RALYL: variants seen among roughly 807,000 people sequenced by gnomAD.
RALYL encodes the protein RNA-binding Raly-like protein.
A neutral mutation model predicts 35.1 loss-of-function variants in RALYL; 29 were observed. The ratio of observed to expected loss-of-function variants is 0.83; its 90% confidence interval spans 0.61 to 1.13. The LOEUF is 1.13. RALYL is among the 50% of genes most tolerant of loss of function. The pLI is 0.00. For synonymous variants in RALYL, 120 were observed against 127.6 expected (o/e 0.94, Z 0.40); for missense variants, 359 against 360.4 (o/e 1.00, Z 0.03).
At position 84,693,031 on chromosome 8, in the gene RALYL, G is replaced by T. The variant is rs118164033; in HGVS notation, c.257-81548G>T. On this transcript the variant is annotated intron_variant, in intron 2 of 8. Coordinates refer to ENST00000521268, the MANE Select transcript of RALYL (RefSeq NM_173848.7). ...AGCCCAACCACACCTTATTTTAAAT[G>T]TCTAACTTCCAAGATCATCAGAGTA... 6.5e-3 allele frequency among the ~76,000 whole-genome samples: 981 copies of T among 152,070 alleles called. 9 individuals are homozygous for T. The highest frequency in any genetic ancestry group is 0.015 in the East Asian group (77 of 5,170).
chr8:84,588,321 CT>C (rs1812447501), intron 2 of RALYL, among the ~76,000 whole-genome samples: 1 of 152,134 alleles, frequency 6.6e-6, no homozygotes, highest in African/African-American at 2.4e-5. Context: ...GGAAAGAAAT[CT>C]GTGTTTCTGC....
intron 1 of RALYL, among the ~76,000 whole-genome samples, chr8:84,344,832 A>G (rs1185256078): frequency 6.6e-6 from 1 of 151,992 alleles, no homozygotes. Flanking sequence ...ACTCAACATA[A>G]TGTCTTCCAG....
At chr8:84,418,524 A>G (rs1416148112) in intron 1 of RALYL, among the ~76,000 whole-genome samples, 1 of 152,028 alleles carries the variant, frequency 6.6e-6, no homozygotes, top group Non-Finnish European at 1.5e-5. Context: ...ATGCTGTTTT[A>G]TTTACTCCTT....
intron 6 of RALYL, among the ~76,000 whole-genome samples, chr8:84,867,309 G>A (rs1215319674): frequency 6.6e-6 from 1 of 152,080 alleles, no homozygotes; most frequent in African/African-American, 2.4e-5. Flanking sequence ...TCTGCTTCAT[G>A]TTATAGTTAT....
At chr8:84,331,127 C>T (rs570467317) in intron 1 of RALYL, among the ~76,000 whole-genome samples, 73 of 152,092 alleles carry the variant, frequency 4.8e-4, no homozygotes, top group Non-Finnish European at 9.0e-4. Context: ...GACATTCTAA[C>T]ATATCCTTAG....
At chr8:84,849,895 A>T in intron 4 of RALYL, 85 bp from the exon 5 acceptor site, 1 of 717,030 alleles carries the variant, frequency 1.4e-6, no homozygotes, top group South Asian at 2.1e-5. Context: ...AAAGTAACAA[A>T]TTTTATGCTA....
At position 84,186,119 on chromosome 8, in the gene RALYL, G is replaced by A. The variant is rs533808780; in HGVS notation, c.-24+1695G>A. ...TTTGTTCTCCGAGTAGCTTTTCTCT[G>A]TGAAGGAAATCCTGTTGCATTTATA... is the stretch of plus-strand genomic sequence containing the variant. On this transcript the variant is annotated intron_variant, in intron 1 of 8. Coordinates refer to ENST00000521268, the MANE Select transcript of RALYL (RefSeq NM_173848.7). Among the ~76,000 whole-genome samples, 81 of 152,272 alleles carry A rather than the reference G, an allele frequency of 5.3e-4. 2 individuals are homozygous for A. The South Asian group carries it at 0.013, about 25-fold the overall frequency.
intron 2 of RALYL, among the ~76,000 whole-genome samples, chr8:84,763,691 T>A (rs1446794577): frequency 6.6e-6 from 1 of 152,182 alleles, no homozygotes; most frequent in Non-Finnish European, 1.5e-5. Context: ...AGAAAGATGT[T>A]CATGGAATAT....
intron 2 of RALYL, among the ~76,000 whole-genome samples, chr8:84,684,765 A>G (rs17726976): frequency 0.13 from 20,007 of 152,246 alleles, 1,845 homozygotes; most frequent in Non-Finnish European, 0.19. Context: ...CATACATGGC[A>G]TATATGCATA....
At chr8:84,645,794 T>C (rs1233588267) in intron 2 of RALYL, among the ~76,000 whole-genome samples, 1 of 152,120 alleles carries the variant, frequency 6.6e-6, no homozygotes, top group African/African-American at 2.4e-5. Flanking sequence ...TGTCAGAATT[T>C]CTAAATTTCT....
chr8:84,234,767 T>TA lies in RALYL; in HGVS notation c.-24+50343_-24+50344insA, dbSNP rs1251388791. On this transcript the variant is annotated intron_variant, in intron 1 of 8. Transcript: ENST00000521268. ...AAATTGCAAAATTTTATTTATTTAT[T>TA]TATTTTTTTTTTTTTGAGATGGAGT... Among the ~76,000 whole-genome samples, 12 of 139,218 alleles carry TA rather than the reference T, an allele frequency of 8.6e-5. No individual in the cohort carries two copies. In the East Asian group the frequency reaches 1.9e-3, roughly 22 times the overall value. The allele number at this position is 139,218 out of a possible 152,430, so 91.3% of individuals were successfully genotyped here.
intron 8 of RALYL, among the ~76,000 whole-genome samples, chr8:84,891,136 A>T (rs1563819027): frequency 6.6e-6 from 1 of 152,178 alleles, no homozygotes; most frequent in Non-Finnish European, 1.5e-5. Context: ...AAGTCACAGC[A>T]GATGAAGAAT....
At chr8:84,743,794 G>T (rs1235222744) in intron 2 of RALYL, among the ~76,000 whole-genome samples, 8 of 151,990 alleles carry the variant, frequency 5.3e-5, no homozygotes, top group Non-Finnish European at 1.0e-4. Flanking sequence ...TGCTGCTAAT[G>T]GATAAATTTT....
At position 84,607,920 on chromosome 8, in the gene RALYL, GT is replaced by G. The variant is rs796464854; in HGVS notation, c.256+78356del. Among the ~76,000 whole-genome samples, 888 of 144,102 alleles carry G rather than the reference GT, an allele frequency of 6.2e-3. 5 individuals carry two copies. Among genetic ancestry groups the G allele is most frequent in the Middle Eastern group, 0.022 (6 of 268 alleles). The allele number at this position is 144,102 out of a possible 152,430, so 94.5% of individuals were successfully genotyped here. On this transcript the variant is annotated intron_variant, in intron 2 of 8. Coordinates refer to ENST00000521268, the MANE Select transcript of RALYL (RefSeq NM_173848.7). ...ATTTAAAAGAAATATAAGCATCTAG[GT>G]TTTTTTTTTTTTATTAGCTTCAACA...
At chr8:84,496,414 G>A (rs760351591) in intron 1 of RALYL, among the ~76,000 whole-genome samples, 5 of 152,132 alleles carry the variant, frequency 3.3e-5, no homozygotes, top group Non-Finnish European at 5.9e-5. Flanking sequence ...TGCAGATTCT[G>A]TCTGAAGGAA....
At chr8:84,594,196 C>T (rs532650976) in intron 2 of RALYL, among the ~76,000 whole-genome samples, 2 of 152,156 alleles carry the variant, frequency 1.3e-5, no homozygotes, top group South Asian at 4.1e-4. Context: ...GCCTAAAAAG[C>T]ATTAACATCT....
chr8:84,556,823 C>T (rs963853977), intron 2 of RALYL, among the ~76,000 whole-genome samples: 1 of 152,108 alleles, frequency 6.6e-6, no homozygotes, highest in Admixed American at 6.6e-5. Context: ...GCCTGAGTCT[C>T]TAAGACACCT....
rs564436253 is a variant in RALYL at position 84,587,699 on chromosome 8, A to G, written c.256+58122A>G. Among the ~76,000 whole-genome samples, 330 of 152,300 alleles carry G rather than the reference A, an allele frequency of 2.2e-3. 2 individuals carry two copies. Among genetic ancestry groups the G allele is most frequent in the African/African-American group, 7.7e-3 (321 of 41,572 alleles). On this transcript the variant is annotated intron_variant, in intron 2 of 8. Coordinates refer to ENST00000521268, the MANE Select transcript of RALYL (RefSeq NM_173848.7). ...CTAAAATTTTAAATTAAATATTTAT[A>G]TGAATTAAAAACATGTAAAATACAA...
intron 4 of RALYL, among the ~76,000 whole-genome samples, chr8:84,810,233 G>GT (rs1825612407): frequency 6.6e-6 from 1 of 151,948 alleles, no homozygotes; most frequent in South Asian, 2.1e-4. Context: ...TCTTAATTTT[G>GT]TTTTTGACTC....
Sources: gnomAD v4.1 joint callset for allele counts (sites outside exome capture counted in the v4.1 genomes callset) on GRCh38, gnomAD v4.1.1 for gene constraint, MANE v1.5 for transcripts, NCBI Gene and HGNC (gene_info 2026-07-23, HGNC 2026-07-21) for gene names.